The following LEUTX variants were observed in gnomAD, a reference collection of about 807,000 sequenced individuals.
LEUTX encodes the protein paired-like homeodomain transcription factor LEUTX.
A neutral mutation model predicts 4.5 loss-of-function variants in LEUTX; 5 were observed. The ratio of observed to expected loss-of-function variants is 1.11; its 90% CI spans 0.58 to 2.34. The LOEUF is 2.34. LEUTX is among the 30% of genes most tolerant of loss of function. LEUTX has a pLI of 0.01. For missense variants in LEUTX, 233 were observed against 239.4 expected (o/e 0.97, Z 0.18); for synonymous variants, 89 against 85.1 (o/e 1.05, Z -0.25).
At chr19:39,783,058 A>C (rs1388607958) in intron 1 of LEUTX, among the ~76,000 whole-genome samples, 1 of 151,432 alleles carries the variant, frequency 6.6e-6, no homozygotes, top group Non-Finnish European at 1.5e-5. Context: ...GAATCCCCAA[A>C]GTCCATTGTG....
upstream of LEUTX, among the ~76,000 whole-genome samples, chr19:39,778,551 C>T (rs1298273925): frequency 6.6e-6 from 1 of 152,076 alleles, no homozygotes. Context: ...TTTCTCTCAG[C>T]GCCTTGTTTA....
Position 39,785,939 on chromosome 19 carries a change from C to T in LEUTX, c.401C>T (p.Ser134Leu). ...GGAGCCAGCGCCTCTGCGAGGGTTT[C>T]ATCCTGGGATTCTCAGTCATATGAC... is the stretch of plus-strand genomic sequence containing the variant. ...PGGASASARV[S>L]SWDSQSYDIE... The change falls in exon 3 of 3, where the codon TCA becomes TTA. Residue 134 changes from serine to leucine, a missense_variant. By Grantham distance (145) the Ser-to-Leu change is moderately radical. Coordinates refer to ENST00000638280, the MANE Select transcript of LEUTX (RefSeq NM_001382345.1). 6.4e-7 allele frequency: 1 copy of T among 1,551,816 alleles called. No individual in the cohort carries two copies. Among genetic ancestry groups the T allele is most frequent in the Non-Finnish European group, 8.7e-7 (1 of 1,147,020 alleles).
upstream of LEUTX, among the ~76,000 whole-genome samples, chr19:39,777,575 A>C (rs1967813871): frequency 6.6e-6 from 1 of 152,158 alleles, no homozygotes; most frequent in South Asian, 2.1e-4. Flanking sequence ...TTAAACGGAA[A>C]ATTTGAGGCC....
chr19:39,780,080 C>T (rs1403012671), intron 1 of LEUTX, among the ~76,000 whole-genome samples: 1 of 152,194 alleles, frequency 6.6e-6, no homozygotes, highest in East Asian at 1.9e-4. Flanking sequence ...TTTATTTTAA[C>T]TTCTTAAAAT....
chr19:39,777,233 G>C (rs1967810136), upstream of LEUTX, among the ~76,000 whole-genome samples: 1 of 152,144 alleles, frequency 6.6e-6, no homozygotes. Flanking sequence ...AGTGCTGTTG[G>C]TGGCATTCAT....
chr19:39,780,048 A>G (rs1262860653), intron 1 of LEUTX, among the ~76,000 whole-genome samples: 1 of 152,248 alleles, frequency 6.6e-6, no homozygotes, highest in Non-Finnish European at 1.5e-5. Context: ...GGCTGGGGAC[A>G]TAAATGTAAT....
At chr19:39,784,753 C>A in intron 2 of LEUTX, 75 bp downstream of exon 2, 3 of 1,150,176 alleles carry the variant, frequency 2.6e-6, no homozygotes, top group Non-Finnish European at 3.8e-6. Flanking sequence ...ATTGTTATAA[C>A]AGTTCCTATT....
chr19:39,780,529 A>C (rs1000969525), intron 1 of LEUTX, among the ~76,000 whole-genome samples: 4 of 152,134 alleles, frequency 2.6e-5, no homozygotes, highest in African/African-American at 9.7e-5. Flanking sequence ...AAATACTTTC[A>C]TGATACTCTC....
At chr19:39,784,271 A>T (rs1182381313) in intron 1 of LEUTX, among the ~76,000 whole-genome samples, 1 of 151,300 alleles carries the variant, frequency 6.6e-6, no homozygotes, top group African/African-American at 2.4e-5. Flanking sequence ...TATATCACGG[A>T]TTTCTTCTTG....
intron 1 of LEUTX, among the ~76,000 whole-genome samples, chr19:39,782,366 T>C (rs4423527): frequency 0.02 from 3,082 of 152,218 alleles, 53 homozygotes; most frequent in Non-Finnish European, 0.031. Flanking sequence ...TAAGATCTGA[T>C]GGTTTTATAA....
rs892042042 is a variant in LEUTX, at chr19:39,784,547, C to T, written c.28C>T (p.Arg10Trp). 11 of 1,193,422 alleles carry T rather than the reference C, an allele frequency of 9.2e-6. No individual in the cohort carries two copies. The highest frequency in any genetic ancestry group is 2.5e-5 in the East Asian group (1 of 39,234). 73.9% of individuals were successfully genotyped at this position (1,193,422 alleles called of 1,614,324 possible). Residue 10 changes from arginine to tryptophan, a missense_variant, in exon 2 of 3, where the codon CGG (arginine) becomes TGG (tryptophan). Coordinates refer to ENST00000638280, the MANE Select transcript of LEUTX (RefSeq NM_001382345.1). ...TGCAGAAGGGCCAAGGCGTTATCGT[C>T]GGCCACGCACAAGATTTCTCTCCAA... MFEGPRRYR[R>W]PRTRFLSKQL...
chr19:39,782,038 A>G (rs907719102), intron 1 of LEUTX, among the ~76,000 whole-genome samples: 7 of 152,112 alleles, frequency 4.6e-5, no homozygotes, highest in African/African-American at 4.8e-5. Flanking sequence ...CTCCTTCCCT[A>G]CAGACCCCAT....
At chr19:39,780,758 G>T (rs574766645) in intron 1 of LEUTX, among the ~76,000 whole-genome samples, 1 of 152,110 alleles carries the variant, frequency 6.6e-6, no homozygotes, top group African/African-American at 2.4e-5. Flanking sequence ...TGTCTTATCA[G>T]ATTTTCCTTT....
At chr19:39,779,466 C>A (rs987317362) in intron 1 of LEUTX, among the ~76,000 whole-genome samples, 1 of 152,046 alleles carries the variant, frequency 6.6e-6, no homozygotes, top group East Asian at 1.9e-4. Flanking sequence ...TGTTTTTCCC[C>A]TATGCTAATT....
upstream of LEUTX, chr19:39,778,810 A>G (rs1484189069): frequency 2.0e-5 from 3 of 152,126 alleles, no homozygotes; most frequent in Non-Finnish European, 2.9e-5. Flanking sequence ...ACATGATTAC[A>G]TTAAAATTCT....
At chr19:39,776,684 A>AT (rs1398244892), upstream of LEUTX, 3 of 455,496 alleles carry the variant, frequency 6.6e-6, no homozygotes, top group East Asian at 7.0e-5. Flanking sequence ...AGGTGAGGCG[A>AT]TTTTTTTCTT....
intron 1 of LEUTX, among the ~76,000 whole-genome samples, chr19:39,781,868 C>T (rs1967891727): frequency 1.3e-5 from 2 of 152,172 alleles, no homozygotes; most frequent in Admixed American, 6.5e-5. Context: ...AGACTTGCTT[C>T]TTTGGTTACT....
chr19:39,785,515 C>G (rs934193672), intron 2 of LEUTX, among the ~76,000 whole-genome samples, 183 bp from the exon 3 acceptor site: 15 of 152,076 alleles, frequency 9.9e-5, no homozygotes, highest in African/African-American at 3.6e-4. Context: ...CCACCCATTG[C>G]TAGTACAATC....
In LEUTX at chr19:39,784,581, C is replaced by T. The variant is rs954015458; in HGVS notation, c.62C>T (p.Thr21Ile). 11 of 1,509,018 alleles carry T rather than the reference C, an allele frequency of 7.3e-6. No homozygotes were observed. The African/African-American group carries it at 1.5e-4, about 21-fold the overall frequency. 93.5% of individuals were successfully genotyped at this position (1,509,018 alleles called of 1,614,324 possible). Reference protein sequence around the residue: ...PRTRFLSKQLTALRELLEKTM... With the variant: ...PRTRFLSKQLIALRELLEKTM... ...ACAAGATTTCTCTCCAAACAACTCA[C>T]AGCATTGAGAGAATTGCTTGAAAAG... The change falls in exon 2 of 3, where the codon ACA becomes ATA. Residue 21 changes from threonine (T) to isoleucine (I), a missense_variant. By Grantham distance (89) the Thr-to-Ile change is moderately conservative. Coordinates refer to ENST00000638280, the MANE Select transcript of LEUTX (RefSeq NM_001382345.1).
Sources: gnomAD v4.1 joint callset for allele counts (sites outside exome capture counted in the v4.1 genomes callset) on GRCh38, gnomAD v4.1.1 for gene constraint, MANE v1.5 for transcripts, NCBI Gene and HGNC (gene_info 2026-07-23, HGNC 2026-07-21) for gene names.